ZFHX3: variants seen among roughly 807,000 people sequenced by gnomAD.
The protein encoded by ZFHX3 is zinc finger homeobox 3.
A neutral mutation model predicts 279.1 loss-of-function variants in ZFHX3; 42 were observed. The ratio of observed to expected loss-of-function variants is 0.15; its 90% CI spans 0.12 to 0.19. The LOEUF (loss-of-function observed/expected upper bound fraction) is 0.19, where lower values mean the gene tolerates loss of function less well. ZFHX3 is among the 10% of genes least tolerant of loss of function. The pLI is 1.00. For synonymous variants in ZFHX3, 2,293 were observed against 1,957.8 expected, an observed-to-expected ratio of 1.17 and a Z score of -4.52; for missense variants, 4,981 against 4,754.0, an observed-to-expected ratio of 1.05 and a Z score of -1.40.
intron 3 of ZFHX3, among the ~76,000 whole-genome samples, chr16:73,412,012 T>G (rs1053060666): frequency 6.6e-6 from 1 of 152,164 alleles, no homozygotes; most frequent in African/African-American, 2.4e-5. Flanking sequence ...AGATAGGCAG[T>G]CTTCCAAAGA....
Position 73,298,217 on chromosome 16 carries a change from A to ATT in ZFHX3, c.-1194+20021_-1194+20022dup, listed in dbSNP as rs764184367. On this transcript the variant is annotated intron_variant, in intron 4 of 17. Transcript: ENST00000641206. ...AACAACAACAACAACAAAAATCAGA[A>ATT]TTTTTTTTTTTTTTTTTATATGGAG... Among the ~76,000 whole-genome samples the ATT allele has an allele frequency of 2.7e-4, 38 of 138,592 alleles. 1 individual carries two copies. The highest frequency in any genetic ancestry group is 3.7e-3 in the Middle Eastern group (1 of 270). The allele number at this position is 138,592 out of a possible 152,430, so 90.9% of individuals were successfully genotyped here.
At chr16:73,852,018 AT>A (rs1961605128) in intron 1 of ZFHX3, among the ~76,000 whole-genome samples, 1 of 152,188 alleles carries the variant, frequency 6.6e-6, no homozygotes, top group Non-Finnish European at 1.5e-5. Flanking sequence ...CTCCTGAATG[AT>A]TGCCCAAGGT....
chr16:73,502,890 T>A (rs1480280979), intron 2 of ZFHX3, among the ~76,000 whole-genome samples: 1 of 152,226 alleles, frequency 6.6e-6, no homozygotes, highest in Non-Finnish European at 1.5e-5. Context: ...TGAGGCAAGC[T>A]CAGTCTTGGC....
intron 5 of ZFHX3, among the ~76,000 whole-genome samples, chr16:73,196,880 G>T (rs1968159591): frequency 6.6e-6 from 1 of 152,150 alleles, no homozygotes; most frequent in African/African-American, 2.4e-5. Flanking sequence ...CCTTGGATGA[G>T]CAGGGAGCCC....
At chr16:73,038,935 A>G (rs1034957413) in intron 1 of ZFHX3, among the ~76,000 whole-genome samples, 1 of 151,566 alleles carries the variant, frequency 6.6e-6, no homozygotes, top group Non-Finnish European at 1.5e-5. Flanking sequence ...GTAGCTAGGA[A>G]TACAGGCGTG....
Position 72,788,082 on chromosome 16 carries a change from T to TGCTTTGGGCTGCTGCTGCTGC in ZFHX3, c.10173_10193dup (p.Gln3392_Ala3398dup). On this transcript the variant is annotated inframe_insertion, in exon 10 of 10. Transcript: ENST00000268489. ...CCCCGGGGGGGACTGGGGTTTGGCTTGCTTTGGGCTGCTGCTGCTGCACTT... is the reference window on the plus strand; with the variant it reads ...CCCCGGGGGGGACTGGGGTTTGGCTTGCTTTGGGCTGCTGCTGCTGCGCTTTGGGCTGCTGCTGCTGCACTT... 2 of 1,611,984 alleles carry TGCTTTGGGCTGCTGCTGCTGC rather than the reference T, an allele frequency of 1.2e-6. No individual in the cohort carries two copies. The highest frequency in any genetic ancestry group is 8.5e-7 in the Non-Finnish European group (1 of 1,179,808).
At chr16:73,558,348 C>T (rs568561049) in intron 2 of ZFHX3, 5 of 152,266 alleles carry the variant, frequency 3.3e-5, no homozygotes, top group African/African-American at 1.2e-4. Flanking sequence ...GACTCGTAAA[C>T]AGTTCATGCG....
At chr16:73,714,039 C>G (rs984097225) in intron 1 of ZFHX3, among the ~76,000 whole-genome samples, 1 of 152,292 alleles carries the variant, frequency 6.6e-6, no homozygotes, top group South Asian at 2.1e-4. Flanking sequence ...CTGCCCTTTT[C>G]TGACCCGCGG....
At chr16:73,177,051 A>G (rs1273826423) in intron 5 of ZFHX3, among the ~76,000 whole-genome samples, 1 of 152,250 alleles carries the variant, frequency 6.6e-6, no homozygotes, top group East Asian at 1.9e-4. Flanking sequence ...CCTCAGACCA[A>G]AATACTCAAT....
chr16:73,731,644 GGGTGAAAAAAA>G (rs1353472143), intron 1 of ZFHX3, among the ~76,000 whole-genome samples: 1 of 37,290 alleles, frequency 2.7e-5, no homozygotes, highest in Non-Finnish European at 7.6e-5. Context: ...ATGATGTTCG[GGGTGAAAAAAA>G]ACCCATTCTG....
rs561355331 is a variant in ZFHX3, at chr16:72,797,546, C to T, written c.5136G>A (p.Arg1712=). 3 of 1,614,068 alleles carry T rather than the reference C, an allele frequency of 1.9e-6. No individual in the cohort carries two copies. The highest frequency in any genetic ancestry group is 2.2e-5 in the East Asian group (1 of 44,866). Residue 1712 remains arginine (R), a synonymous_variant, in exon 9 of 10, where the codon CGG becomes CGA. Transcript: ENST00000268489. ...ATGCAATCATATCTGCCAGTTTCTTCCGATTGGCCTCTTTGGGCTCTGAAG... is the reference window on the plus strand; with the variant it reads ...ATGCAATCATATCTGCCAGTTTCTTTCGATTGGCCTCTTTGGGCTCTGAAG... The part of the protein sequence containing the change: ...ASPSEPKEAN[R]KKLADMIASR...
chr16:73,546,405 T>C (rs1047924455), intron 2 of ZFHX3, among the ~76,000 whole-genome samples: 14 of 151,362 alleles, frequency 9.2e-5, no homozygotes, highest in African/African-American at 3.4e-4. Flanking sequence ...GGTTTCAGTG[T>C]GATGCTGGAG....
chr16:73,619,034 C>T (rs2052331908), intron 2 of ZFHX3, among the ~76,000 whole-genome samples: 1 of 152,084 alleles, frequency 6.6e-6, no homozygotes, highest in Non-Finnish European at 1.5e-5. Context: ...TTTATTAAAA[C>T]ATTGATTAGC....
intron 3 of ZFHX3, among the ~76,000 whole-genome samples, chr16:73,412,326 CAAAAAAAA>C (rs60447973): frequency 0.014 from 1,702 of 117,448 alleles, 43 homozygotes; most frequent in African/African-American, 0.056. Context: ...GAGACTGTTT[CAAAAAAAA>C]AAAAAAAAAA....
intron 2 of ZFHX3, among the ~76,000 whole-genome samples, chr16:73,626,873 A>G (rs943519792): frequency 3.9e-5 from 6 of 152,036 alleles, no homozygotes; most frequent in South Asian, 4.2e-4. Context: ...ATCTCCCTCA[A>G]TGTTCAGCCC....
chr16:73,765,864 C>T (rs969614723), intron 1 of ZFHX3, among the ~76,000 whole-genome samples: 1 of 152,228 alleles, frequency 6.6e-6, no homozygotes, highest in African/African-American at 2.4e-5. Context: ...TCTGCCTCAA[C>T]CCTTGGCCAC....
Position 72,798,100 on chromosome 16 carries a change from T to A in ZFHX3, c.4582A>T (p.Arg1528Ter). The change falls in exon 9 of 10, where the codon AGA becomes TGA. Residue 1528 changes from arginine (R) to a stop codon, truncating the protein, a stop_gained. Transcript: ENST00000268489. LOFTEE classifies it high-confidence loss of function. ...GSEPKRALPF[R>*]KGPNFTMEKF... ...TCCATAGTAAAATTGGGACCTTTTCTGAAAGGCAGAGCTCTCTTTGGCTCT... is the reference window on the plus strand; with the variant it reads ...TCCATAGTAAAATTGGGACCTTTTCAGAAAGGCAGAGCTCTCTTTGGCTCT... The A allele has an allele frequency of 6.2e-7, 1 of 1,614,256 alleles. No individual in the cohort carries two copies. The highest frequency in any genetic ancestry group is 8.5e-7 in the Non-Finnish European group (1 of 1,180,038).
At chr16:73,354,997 A>G (rs2016312529) in intron 3 of ZFHX3, among the ~76,000 whole-genome samples, 1 of 152,222 alleles carries the variant, frequency 6.6e-6, no homozygotes, top group Non-Finnish European at 1.5e-5. Context: ...AGTCTCTTTC[A>G]TCTGTGATTA....
At chr16:73,263,881 T>G (rs1161830002) in intron 4 of ZFHX3, among the ~76,000 whole-genome samples, 1 of 152,190 alleles carries the variant, frequency 6.6e-6, no homozygotes, top group Non-Finnish European at 1.5e-5. Flanking sequence ...ATGAGAGCCC[T>G]GATGGCCAGG....
Sources: gnomAD v4.1 joint callset for allele counts (sites outside exome capture counted in the v4.1 genomes callset) on GRCh38, gnomAD v4.1.1 for gene constraint, MANE v1.5 for transcripts, NCBI Gene and HGNC (gene_info 2026-07-23, HGNC 2026-07-21) for gene names.